AFG2A: variants seen among roughly 807,000 people sequenced by gnomAD.
The protein encoded by AFG2A is AAA ATPase AFG2A, also known as ATPase family gene 2 protein homolog A.
At chr4:123,132,437 A>G in the AFG2A span, among the ~76,000 whole-genome samples, 4 of 151,902 alleles carry the variant, frequency 2.6e-5, no homozygotes, top group African/African-American at 9.7e-5. Context: ...GAGTTCATCC[A>G]TGTTGTCGCA....
chr4:123,288,749 G>C, the AFG2A span, among the ~76,000 whole-genome samples: 1 of 152,104 alleles, frequency 6.6e-6, no homozygotes, highest in Non-Finnish European at 1.5e-5. Context: ...TGAAGGACTG[G>C]AGGACTGATG....
At chr4:123,128,179 C>G in the AFG2A span, among the ~76,000 whole-genome samples, 1 of 152,064 alleles carries the variant, frequency 6.6e-6, no homozygotes, top group Admixed American at 6.5e-5. Context: ...ACCCTTAAAC[C>G]CTTTAAGAAT....
the AFG2A span, among the ~76,000 whole-genome samples, chr4:123,222,114 T>C: frequency 6.6e-6 from 1 of 152,182 alleles, no homozygotes; most frequent in Non-Finnish European, 1.5e-5. Flanking sequence ...TACTTATTTG[T>C]ATTTCTGGCC....
At chr4:123,050,823 C>T in the AFG2A span, among the ~76,000 whole-genome samples, 1 of 151,658 alleles carries the variant, frequency 6.6e-6, no homozygotes, top group Admixed American at 6.6e-5. Flanking sequence ...CGGCTCACTG[C>T]AACCTCTGCC....
At chr4:123,041,179 C>G in the AFG2A span, among the ~76,000 whole-genome samples, 4 of 151,604 alleles carry the variant, frequency 2.6e-5, no homozygotes, top group African/African-American at 9.7e-5. Flanking sequence ...GGTGCAATCT[C>G]AGCTCACTGC....
the AFG2A span, among the ~76,000 whole-genome samples, chr4:123,231,428 A>G: frequency 6.6e-6 from 1 of 151,998 alleles, no homozygotes; most frequent in Admixed American, 6.6e-5. Flanking sequence ...GCCTTCACAG[A>G]ATTGAAGAGG....
the AFG2A span, chr4:123,315,611 G>A: frequency 6.6e-6 from 1 of 152,074 alleles, no homozygotes; most frequent in African/African-American, 2.4e-5. Flanking sequence ...TCTTGAAAAA[G>A]CTTTCAGAAA....
the AFG2A span, chr4:122,923,109 T>A: frequency 1.2e-6 from 2 of 1,612,688 alleles, no homozygotes; most frequent in Non-Finnish European, 1.7e-6. Context: ...TTGAGTCGGC[T>A]TTTCTACTGC....
At chr4:123,139,382 G>A in the AFG2A span, among the ~76,000 whole-genome samples, 1 of 151,950 alleles carries the variant, frequency 6.6e-6, no homozygotes, top group Non-Finnish European at 1.5e-5. Context: ...ATAGCCTCAG[G>A]TCTCAGACAC....
At chr4:122,933,443 A>G in the AFG2A span, 1 of 1,612,022 alleles carries the variant, frequency 6.2e-7, no homozygotes. Context: ...TTACAGTGAC[A>G]AAGATATGGA....
the AFG2A span, among the ~76,000 whole-genome samples, chr4:122,984,525 T>C: frequency 1.3e-5 from 2 of 152,226 alleles, no homozygotes; most frequent in Admixed American, 6.5e-5. Context: ...CCTTGTCTTG[T>C]TCCAGTTCTC....
At chr4:123,318,639 A>C in the AFG2A span, 1 of 151,976 alleles carries the variant, frequency 6.6e-6, no homozygotes, top group Admixed American at 6.6e-5. Context: ...GAGTGTATGA[A>C]AGCTGGGCAT....
At chr4:123,126,164 A>G in the AFG2A span, among the ~76,000 whole-genome samples, 1 of 152,210 alleles carries the variant, frequency 6.6e-6, no homozygotes, top group East Asian at 1.9e-4. Flanking sequence ...GTCTTCTGGT[A>G]GTCATGTGAT....
the AFG2A span, among the ~76,000 whole-genome samples, chr4:123,137,730 G>A: frequency 1.3e-5 from 2 of 152,096 alleles, no homozygotes; most frequent in East Asian, 1.9e-4. Context: ...TTTATTGTTT[G>A]CTGTTTGCTT....
At chr4:123,023,753 C>A in the AFG2A span, among the ~76,000 whole-genome samples, 2 of 152,160 alleles carry the variant, frequency 1.3e-5, no homozygotes, top group East Asian at 3.9e-4. Flanking sequence ...AAGATGGCAG[C>A]CTCCGAGCCG....
At chr4:123,262,286 G>A in the AFG2A span, among the ~76,000 whole-genome samples, 2 of 152,238 alleles carry the variant, frequency 1.3e-5, no homozygotes, top group African/African-American at 4.8e-5. Flanking sequence ...TTGCTGAAGT[G>A]GCACTTTCTA....
At chr4:123,124,939 C>A in the AFG2A span, among the ~76,000 whole-genome samples, 1 of 152,048 alleles carries the variant, frequency 6.6e-6, no homozygotes, top group Non-Finnish European at 1.5e-5. Context: ...TTTTGTTTGG[C>A]GATTCTAAAA....
At chr4:123,073,494 T>G in the AFG2A span, among the ~76,000 whole-genome samples, 1 of 151,874 alleles carries the variant, frequency 6.6e-6, no homozygotes. Context: ...TTCAAGGTAT[T>G]TATGCGGTGA....
the AFG2A span, chr4:122,927,652 A>T: frequency 6.2e-7 from 1 of 1,610,478 alleles, no homozygotes; most frequent in Non-Finnish European, 8.5e-7. Flanking sequence ...AAAATTCCTA[A>T]AACATTCCAG....
Sources: allele counts gnomAD v4.1 joint callset (sites outside exome capture counted in the v4.1 genomes callset), GRCh38; gene constraint gnomAD v4.1.1; transcripts MANE v1.5; gene names NCBI Gene and HGNC (gene_info 2026-07-23, HGNC 2026-07-21).